NXPH1: variants seen among roughly 807,000 people sequenced by gnomAD.
The protein encoded by NXPH1 is neurexophilin 1.
In NXPH1, 5 loss-of-function variants were observed where a neutral mutation model predicts 23.7. The ratio of observed to expected loss-of-function variants is 0.21; its 90% CI spans 0.11 to 0.44. The LOEUF is 0.44. Ranked by LOEUF, NXPH1 falls within the 20% of genes least tolerant of loss-of-function variation. The pLI is 0.99. For synonymous variants in NXPH1, 144 were observed against 122.2 expected, an observed-to-expected ratio of 1.18 and a Z score of -1.18; for missense variants, 324 against 321.6, an observed-to-expected ratio of 1.01 and a Z score of -0.06.
intron 2 of NXPH1, among the ~76,000 whole-genome samples, chr7:8,450,998 C>T (rs1437885146): frequency 6.6e-6 from 1 of 151,978 alleles, no homozygotes; most frequent in Non-Finnish European, 1.5e-5. Context: ...CAACTTTGAA[C>T]TTTAAAAAAT....
chr7:8,672,970 C>A (rs1820894295), intron 2 of NXPH1, among the ~76,000 whole-genome samples: 1 of 152,124 alleles, frequency 6.6e-6, no homozygotes, highest in Non-Finnish European at 1.5e-5. Flanking sequence ...TGCTTTATTA[C>A]TTACCATCAA....
At chr7:8,730,814 G>A (rs913438448) in intron 2 of NXPH1, among the ~76,000 whole-genome samples, 2 of 150,412 alleles carry the variant, frequency 1.3e-5, no homozygotes, top group Non-Finnish European at 3.0e-5. Flanking sequence ...TGACAATTAT[G>A]TGTCTTGGAG....
At chr7:8,574,006 A>C (rs1331054134) in intron 2 of NXPH1, among the ~76,000 whole-genome samples, 1 of 152,106 alleles carries the variant, frequency 6.6e-6, no homozygotes, top group Non-Finnish European at 1.5e-5. Context: ...GAGTGTCATA[A>C]AGATTTATTG....
intron 2 of NXPH1, among the ~76,000 whole-genome samples, chr7:8,569,154 T>C (rs558841613): frequency 2.0e-5 from 3 of 151,956 alleles, no homozygotes; most frequent in African/African-American, 7.2e-5. Flanking sequence ...TCAATAACTC[T>C]GGACATGGAG....
intron 2 of NXPH1, among the ~76,000 whole-genome samples, chr7:8,618,988 T>C (rs1819805786): frequency 6.6e-6 from 1 of 152,180 alleles, no homozygotes; most frequent in African/African-American, 2.4e-5. Context: ...CTTTTCAGTT[T>C]GTGTGTTACT....
chr7:8,578,796 A>G (rs1163533719), intron 2 of NXPH1, among the ~76,000 whole-genome samples: 1 of 152,214 alleles, frequency 6.6e-6, no homozygotes, highest in East Asian at 1.9e-4. Flanking sequence ...AAAGTAATAT[A>G]AGGACCAAGA....
chr7:8,457,150 G>A (rs1816610278), intron 2 of NXPH1, among the ~76,000 whole-genome samples: 1 of 152,156 alleles, frequency 6.6e-6, no homozygotes, highest in African/African-American at 2.4e-5. Context: ...TTTACCTGTG[G>A]AAGAGGCATT....
At chr7:8,568,647 C>CAAAAAAAAAAAAAAA (rs79150555) in intron 2 of NXPH1, among the ~76,000 whole-genome samples, 1 of 108,600 alleles carries the variant, frequency 9.2e-6, no homozygotes, top group African/African-American at 2.7e-5. Context: ...TCATTCTTAG[C>CAAAAAAAAAAAAAAA]AAAAAAAAAA....
intron 2 of NXPH1, among the ~76,000 whole-genome samples, chr7:8,593,289 T>C (rs1356910060): frequency 6.6e-6 from 1 of 151,828 alleles, no homozygotes; most frequent in African/African-American, 2.4e-5. Flanking sequence ...GGCTATGAAC[T>C]GTAGATTTTT....
chr7:8,559,859 T>C (rs1818412623), intron 2 of NXPH1, among the ~76,000 whole-genome samples: 1 of 151,740 alleles, frequency 6.6e-6, no homozygotes, highest in African/African-American at 2.4e-5. Flanking sequence ...ACTGGGCCAG[T>C]AGTCAACTTG....
At position 8,750,975 on chromosome 7, in the gene NXPH1, G is replaced by T. The variant is rs779292667; in HGVS notation, c.55-33G>T. 6 of 1,605,496 alleles carry T rather than the reference G, an allele frequency of 3.7e-6. 1 individual carries two copies. The South Asian group carries it at 5.5e-5, about 15-fold the overall frequency. ...ATTGGGTGTTATTCTCAGATGCAGA[G>T]ATGTAAATGCCATTTTTCTCTTCTG... is the stretch of plus-strand genomic sequence containing the variant. On this transcript the variant is annotated intron_variant, in intron 2 of 2. Coordinates refer to ENST00000405863, the MANE Select transcript of NXPH1 (RefSeq NM_152745.3).
At chr7:8,586,963 G>A (rs73235779) in intron 2 of NXPH1, among the ~76,000 whole-genome samples, 4,402 of 152,110 alleles carry the variant, frequency 0.029, 181 homozygotes, top group East Asian at 0.14. Flanking sequence ...CTCTTTGAAT[G>A]CATAAAGATG....
chr7:8,632,460 C>T (rs143192867), intron 2 of NXPH1, among the ~76,000 whole-genome samples: 135 of 152,198 alleles, frequency 8.9e-4, no homozygotes, highest in African/African-American at 3.1e-3. Flanking sequence ...CTGACTACTT[C>T]GAGGGTTGCT....
At chr7:8,447,426 G>A (rs915075448) in intron 2 of NXPH1, among the ~76,000 whole-genome samples, 8 of 152,208 alleles carry the variant, frequency 5.3e-5, no homozygotes, top group Non-Finnish European at 1.5e-5. Flanking sequence ...TATTGATGTG[G>A]AGATTTTGCA....
intron 2 of NXPH1, among the ~76,000 whole-genome samples, chr7:8,641,982 T>C (rs1015394403): frequency 2.0e-5 from 3 of 152,180 alleles, no homozygotes; most frequent in African/African-American, 7.2e-5. Flanking sequence ...GAGACATTCC[T>C]GGAGCCCTGC....
intron 2 of NXPH1, among the ~76,000 whole-genome samples, chr7:8,569,611 G>A (rs1818610209): frequency 6.6e-6 from 1 of 151,764 alleles, no homozygotes; most frequent in Admixed American, 6.6e-5. Flanking sequence ...TTTTGAAGCT[G>A]GATGATGGGT....
intron 2 of NXPH1, among the ~76,000 whole-genome samples, chr7:8,595,962 T>C (rs1819213664): frequency 1.3e-5 from 2 of 152,036 alleles, no homozygotes; most frequent in African/African-American, 4.8e-5. Context: ...GATGAATTAA[T>C]TTGTAAATTT....
intron 2 of NXPH1, among the ~76,000 whole-genome samples, chr7:8,555,715 A>C (rs1173522590): frequency 5.9e-5 from 9 of 151,694 alleles, no homozygotes. Context: ...TTTCCTTCAC[A>C]GATCTTGGCT....
At chr7:8,462,568 G>C (rs1487551835) in intron 2 of NXPH1, among the ~76,000 whole-genome samples, 2 of 152,180 alleles carry the variant, frequency 1.3e-5, no homozygotes, top group African/African-American at 4.8e-5. Context: ...ATGCAGGAAA[G>C]CTGGCTCCAC....
Sources: allele counts gnomAD v4.1 joint callset (sites outside exome capture counted in the v4.1 genomes callset), GRCh38; gene constraint gnomAD v4.1.1; transcripts MANE v1.5; gene names NCBI Gene and HGNC (gene_info 2026-07-23, HGNC 2026-07-21).